The following ARFGEF1 variants were observed in gnomAD, a reference collection of about 807,000 sequenced individuals.
ARFGEF1 encodes ARF guanine nucleotide exchange factor 1, also known as brefeldin A-inhibited guanine nucleotide-exchange protein 1.
In ARFGEF1, 42 loss-of-function variants were observed where a neutral mutation model predicts 231.0. The ratio of observed to expected loss-of-function variants is 0.18; its 90% CI spans 0.14 to 0.24. The LOEUF (loss-of-function observed/expected upper bound fraction) is 0.24. ARFGEF1 is among the 10% of genes least tolerant of loss of function. The probability of loss-of-function intolerance (pLI) is 1.00; values close to 1 mark genes in which losing one functional copy is unlikely to be tolerated. For missense variants in ARFGEF1, 1,345 were observed against 2,192.0 expected (o/e 0.61, Z 7.72); for synonymous variants, 710 against 732.3 (o/e 0.97, Z 0.49).
intron 1 of ARFGEF1, among the ~76,000 whole-genome samples, chr8:67,337,669 G>GT (rs1317294098): frequency 6.6e-6 from 1 of 151,416 alleles, no homozygotes; most frequent in African/African-American, 2.4e-5. Context: ...TTTCATCCAA[G>GT]TATCTGAAAG....
intron 22 of ARFGEF1, among the ~76,000 whole-genome samples, chr8:67,236,251 G>C (rs1270817022): frequency 7.1e-6 from 1 of 141,056 alleles, no homozygotes; most frequent in Non-Finnish European, 1.5e-5. Context: ...CCAGGAAGCA[G>C]AGGTTGCAGT....
At chr8:67,208,950 G>A (rs111939019) in intron 34 of ARFGEF1, among the ~76,000 whole-genome samples, 1 of 152,180 alleles carries the variant, frequency 6.6e-6, no homozygotes, top group Non-Finnish European at 1.5e-5. Context: ...CAAAAAAGGC[G>A]CTGGCAAAGA....
chr8:67,241,300 A>C (rs1208534517), intron 19 of ARFGEF1, among the ~76,000 whole-genome samples: 1 of 152,198 alleles, frequency 6.6e-6, no homozygotes, highest in Non-Finnish European at 1.5e-5. Context: ...CATCTATTAT[A>C]TTTGAACTGC....
chr8:67,234,493 AGAGGG>A, intron 22 of ARFGEF1, among the ~76,000 whole-genome samples: 1 of 152,300 alleles, frequency 6.6e-6, no homozygotes, highest in South Asian at 2.1e-4. Flanking sequence ...CAATTGAGAC[AGAGGG>A]GCAGCTATAT....
At chr8:67,234,529 C>T (rs1457109312) in intron 22 of ARFGEF1, among the ~76,000 whole-genome samples, 1 of 152,018 alleles carries the variant, frequency 6.6e-6, no homozygotes, top group Non-Finnish European at 1.5e-5. Flanking sequence ...AAACATACAA[C>T]TGTACATCAT....
intron 5 of ARFGEF1, among the ~76,000 whole-genome samples, chr8:67,292,952 C>A (rs13267015): frequency 3.3e-5 from 5 of 151,678 alleles, no homozygotes; most frequent in Non-Finnish European, 7.4e-5. Flanking sequence ...CAGAATTACA[C>A]GAATTTATAA....
rs539870034 is a variant in ARFGEF1 at position 67,250,792 on chromosome 8, G to A, written c.2850+507C>T. 8.5e-5 allele frequency among the ~76,000 whole-genome samples: 13 copies of A among 152,278 alleles called. No individual in the cohort carries two copies. The South Asian group carries it at 2.3e-3, about 27-fold the overall frequency. On this transcript the variant is annotated intron_variant, in intron 19 of 38. Transcript: ENST00000262215. ...TGGAGAAAGGATAGAGAATGAAGAA[G>A]GAATGGGAAATCAAATTTTAAAGAA...
chr8:67,210,561 G>A (rs1277330120), intron 34 of ARFGEF1, among the ~76,000 whole-genome samples: 2 of 152,130 alleles, frequency 1.3e-5, no homozygotes, highest in Admixed American at 1.3e-4. Context: ...CGTTGCAGAT[G>A]GGTAGAGGAA....
At chr8:67,311,350 C>A in intron 1 of ARFGEF1, among the ~76,000 whole-genome samples, 1 of 130,894 alleles carries the variant, frequency 7.6e-6, no homozygotes, top group Non-Finnish European at 1.7e-5. Context: ...CGCCTCTGCC[C>A]GGCCGCCCCT....
intron 1 of ARFGEF1, among the ~76,000 whole-genome samples, chr8:67,319,527 C>T (rs977836402): frequency 3.3e-5 from 5 of 149,896 alleles, no homozygotes; most frequent in African/African-American, 1.2e-4. Context: ...AACTCTTGAC[C>T]TAAAACTCCC....
rs1008113133 is a variant in ARFGEF1 at position 67,257,662 on chromosome 8, C to G, written c.2526+70G>C. On this transcript the variant is annotated intron_variant, in intron 17 of 38. Transcript: ENST00000262215. Reference sequence around the variant, plus strand: ...AATAAAACTAAAATTTCAACTATTACTTACTGAATTCAGAATAATGTACTT... The same window carrying G: ...AATAAAACTAAAATTTCAACTATTAGTTACTGAATTCAGAATAATGTACTT... 5.7e-6 allele frequency: 7 copies of G among 1,224,106 alleles called. No individual in the cohort carries two copies. The African/African-American group carries it at 1.1e-4, about 19-fold the overall frequency. 75.8% of individuals were successfully genotyped at this position (1,224,106 alleles called of 1,614,324 possible). A position where few individuals can be genotyped will look rare whatever the true frequency, so the allele number is the denominator to read the frequency against.
intron 1 of ARFGEF1, among the ~76,000 whole-genome samples, chr8:67,316,398 A>G (rs992056402): frequency 1.3e-5 from 2 of 152,236 alleles, no homozygotes; most frequent in African/African-American, 2.4e-5. Context: ...ATTAGGGGAT[A>G]AAACACATCT....
At chr8:67,239,592 A>G (rs1187744251) in intron 20 of ARFGEF1, among the ~76,000 whole-genome samples, 1 of 152,176 alleles carries the variant, frequency 6.6e-6, no homozygotes, top group South Asian at 2.1e-4. Context: ...TAGCAAAAAC[A>G]TGATTTATAC....
At position 67,298,401 on chromosome 8, in the gene ARFGEF1, CAG is replaced by C. The variant is rs370316209; in HGVS notation, c.459+806_459+807del. On this transcript the variant is annotated intron_variant, in intron 4 of 38. Transcript: ENST00000262215. ...AAACAAGTACGTTACAGCACAAACT[CAG>C]AACAGGGTTTTGCTGAGCAAGTTCT... is the stretch of plus-strand genomic sequence containing the variant. 4.7e-4 allele frequency among the ~76,000 whole-genome samples: 72 copies of C among 152,256 alleles called. No homozygotes were observed. In the East Asian group the frequency reaches 0.013, roughly 28 times the overall value.
rs560483321 is a variant in ARFGEF1 at position 67,200,346 on chromosome 8, A to G, written c.5385+50T>C. The G allele has an allele frequency of 9.2e-5, 125 of 1,351,368 alleles. 1 individual carries two copies. The South Asian group carries it at 1.2e-3, about 13-fold the overall frequency. 83.7% of individuals were successfully genotyped at this position (1,351,368 alleles called of 1,614,324 possible). On this transcript the variant is annotated intron_variant, in intron 38 of 38. Coordinates refer to ENST00000262215, the MANE Select transcript of ARFGEF1 (RefSeq NM_006421.5). The stretch of plus-strand genomic sequence containing the variant: ...GGCGGCTCTGGGACCCCGCATCCCA[A>G]TGCGAATTGGGCTAGAAATGTGGGG...
chr8:67,260,509 G>T (rs1001857169), intron 14 of ARFGEF1, among the ~76,000 whole-genome samples: 1 of 152,072 alleles, frequency 6.6e-6, no homozygotes, highest in South Asian at 2.1e-4. Context: ...TGTTGCTATT[G>T]TAATTGTTTT....
intron 16 of ARFGEF1, 44 bp downstream of exon 16, chr8:67,258,041 T>C (rs1259159950): frequency 6.5e-7 from 1 of 1,532,194 alleles, no homozygotes; most frequent in Non-Finnish European, 9.0e-7. Flanking sequence ...AGCACAGTGG[T>C]TTGGATATAA....
Position 67,187,014 on chromosome 8 carries a change from TA to T in ARFGEF1, c.561-11443del, listed in dbSNP as rs1219166409. Among the ~76,000 whole-genome samples the T allele has an allele frequency of 2.7e-3, 382 of 143,646 alleles. 2 individuals are homozygous for T. The highest frequency in any genetic ancestry group is 9.2e-3 in the African/African-American group (356 of 38,532). 94.2% of individuals were successfully genotyped at this position (143,646 alleles called of 152,430 possible). A position where few individuals can be genotyped will look rare whatever the true frequency, so the allele number is the denominator to read the frequency against. On this transcript the variant is annotated intron_variant, in intron 5 of 5. Coordinates refer to the ARFGEF1 transcript ENST00000518789. ...CTATCTATCTATCTATCTATCTATC[TA>T]ATCTATCTATCTAGAACTGCCTGAG...
At chr8:67,336,529 C>A (rs1808351187) in intron 1 of ARFGEF1, among the ~76,000 whole-genome samples, 1 of 152,172 alleles carries the variant, frequency 6.6e-6, no homozygotes, top group African/African-American at 2.4e-5. Context: ...ATGCTACATC[C>A]AAAGGGAAGA....
Sources: gnomAD v4.1 joint callset for allele counts (sites outside exome capture counted in the v4.1 genomes callset) on GRCh38, gnomAD v4.1.1 for gene constraint, MANE v1.5 for transcripts, NCBI Gene and HGNC (gene_info 2026-07-23, HGNC 2026-07-21) for gene names.